Variants in OR2A14 observed in about 807,000 individuals in gnomAD.
OR2A14 encodes the protein olfactory receptor family 2 subfamily A member 14.
A neutral mutation model predicts 2.4 loss-of-function variants in OR2A14; 2 were observed. The observed-to-expected ratio is 0.85, with a 90% CI of 0.35 to 2.67. OR2A14 has a LOEUF of 2.67. OR2A14 is among the 30% of genes most tolerant of loss of function. The pLI is 0.10. For missense variants in OR2A14, 390 were observed against 379.4 expected (o/e 1.03, Z -0.23); for synonymous variants, 160 against 156.3 (o/e 1.02, Z -0.18).
chr7:144,127,609 A>G (rs2051490698), intron 1 of OR2A14, among the ~76,000 whole-genome samples: 2 of 152,242 alleles, frequency 1.3e-5, no homozygotes, highest in Non-Finnish European at 2.9e-5. Flanking sequence ...ATGTCCATAA[A>G]ATATAATTTC....
At position 144,129,130 on chromosome 7, in the gene OR2A14, AT is replaced by A. The variant is rs2051506421; in HGVS notation, c.19del (p.Trp7GlyfsTer75). 6.2e-7 allele frequency: 1 copy of A among 1,613,412 alleles called. No homozygotes were observed. The highest frequency in any genetic ancestry group is 1.3e-5 in the African/African-American group (1 of 74,930). On this transcript the variant is annotated frameshift_variant, in exon 2 of 2. Transcript: ENST00000641068. LOFTEE classifies it low-confidence loss of function (END_TRUNC). ...ACAAGAGCATGGAAGGCAACAAGAC[AT>A]GGATCACAGACATCACCTTGCCGCG... MEGNKTWITDITLPRFQ... is the reference protein window; with the variant it reads MEGNKTXITDITLPRFQ...
Position 144,129,109 on chromosome 7 carries a change from G to C in OR2A14, c.-4G>C. 6.2e-7 allele frequency: 1 copy of C among 1,610,048 alleles called. No homozygotes were observed. The highest frequency in any genetic ancestry group is 2.2e-5 in the East Asian group (1 of 44,824). ...ACCTTCCTGTCCTAGATGTCCACAAGAGCATGGAAGGCAACAAGACATGGA... is the reference window on the plus strand; with the variant it reads ...ACCTTCCTGTCCTAGATGTCCACAACAGCATGGAAGGCAACAAGACATGGA... On this transcript the variant is annotated 5_prime_UTR_variant, in exon 2 of 2. Transcript: ENST00000641068.
Position 144,130,069 on chromosome 7 carries a change from G to A in OR2A14, c.*24G>A. On this transcript the variant is annotated 3_prime_UTR_variant, in exon 2 of 2. Transcript: ENST00000641068. ...GAGACATCTCAAAGGGAACCATGGG[G>A]AGGGAGCCTTGCTCCCTGCAAAATA... The A allele has an allele frequency of 6.3e-7, 1 of 1,580,254 alleles. No homozygotes were observed.
At position 144,130,074 on chromosome 7, in the gene OR2A14, A is replaced by AGC. The variant is rs765323463; in HGVS notation, c.*30_*31dup. On this transcript the variant is annotated 3_prime_UTR_variant, in exon 2 of 2. Transcript: ENST00000641068. ...ATCTCAAAGGGAACCATGGGGAGGG[A>AGC]GCCTTGCTCCCTGCAAAATATAGAA... The AGC allele has an allele frequency of 2.6e-6, 4 of 1,544,104 alleles. No homozygotes were observed. Among genetic ancestry groups the AGC allele is most frequent in the Non-Finnish European group, 3.5e-6 (4 of 1,144,220 alleles).
intron 1 of OR2A14, among the ~76,000 whole-genome samples, chr7:144,125,961 C>A (rs1186242220): frequency 6.6e-6 from 1 of 152,050 alleles, no homozygotes; most frequent in Non-Finnish European, 1.5e-5. Context: ...ACAGTAGGAG[C>A]ACAGATGTGT....
intron 1 of OR2A14, among the ~76,000 whole-genome samples, chr7:144,124,278 C>T (rs1353027280): frequency 6.6e-6 from 1 of 152,076 alleles, no homozygotes; most frequent in African/African-American, 2.4e-5. Flanking sequence ...GCCTGACCAA[C>T]ACGGAGAAAC....
rs748816669 is a variant in OR2A14 at position 144,131,155 on chromosome 7, A to G, written c.*1110A>G. The G allele has an allele frequency of 9.2e-5, 14 of 152,352 alleles. No individual in the cohort carries two copies. The highest frequency in any genetic ancestry group is 6.5e-4 in the Admixed American group (10 of 15,300). 9.4% of individuals were successfully genotyped at this position (152,352 alleles called of 1,614,324 possible). ...ACTTTCTAAAATATGCCATGACTCA[A>G]TAGCCAGTGGACTGTAAATATTCAT... On this transcript the variant is annotated 3_prime_UTR_variant, in exon 2 of 2. Coordinates refer to ENST00000641068, the MANE Select transcript of OR2A14 (RefSeq NM_001001659.3).
At position 144,129,236 on chromosome 7, in the gene OR2A14, G is replaced by A. The variant is rs759113066; in HGVS notation, c.124G>A (p.Gly42Arg). 6.2e-7 allele frequency: 1 copy of A among 1,613,976 alleles called. No homozygotes were observed. The highest frequency in any genetic ancestry group is 1.1e-5 in the South Asian group (1 of 91,072). Residue 42 changes from glycine (G) to arginine (R), a missense_variant, in exon 2 of 2, where the codon GGG (glycine) becomes AGG (arginine). Physicochemically the swap from Gly to Arg is moderately radical, Grantham distance 125 (BLOSUM62 -2). Coordinates refer to ENST00000641068, the MANE Select transcript of OR2A14 (RefSeq NM_001001659.3). Reference protein sequence around the residue: ...AFYTLTLLGNGVIFGIICLDC... With the variant: ...AFYTLTLLGNRVIFGIICLDC... ...CTATACACTCACCCTGCTGGGGAAT[G>A]GGGTCATCTTTGGGATTATCTGCCT...
rs78692823 is a variant in OR2A14 at position 144,130,653 on chromosome 7, G to A, written c.*608G>A. ...TTTTTAATGGCTTATTTATCATTGA[G>A]GTTATTGGAAATCTATTTCTAATAT... On this transcript the variant is annotated 3_prime_UTR_variant, in exon 2 of 2. Transcript: ENST00000641068. 5,225 of 152,228 alleles carry A rather than the reference G, an allele frequency of 0.034. 140 individuals are homozygous for A. The highest frequency in any genetic ancestry group is 0.052 in the Non-Finnish European group (3,525 of 68,048). The allele number at this position is 152,228 out of a possible 1,614,324, so 9.4% of individuals were successfully genotyped here.
intron 1 of OR2A14, among the ~76,000 whole-genome samples, chr7:144,127,392 A>G (rs1162147622): frequency 4.6e-5 from 7 of 152,234 alleles, no homozygotes; most frequent in African/African-American, 7.2e-5. Context: ...GGAAGTTAAA[A>G]TAGGGATAAA....
intron 1 of OR2A14, among the ~76,000 whole-genome samples, chr7:144,128,309 G>C (rs898209575): frequency 6.6e-6 from 1 of 152,150 alleles, no homozygotes. Flanking sequence ...ATGTCACCAT[G>C]CTTAGTTATT....
chr7:144,127,353 G>A (rs929943291), intron 1 of OR2A14, among the ~76,000 whole-genome samples: 12 of 152,114 alleles, frequency 7.9e-5, no homozygotes, highest in African/African-American at 2.7e-4. Context: ...ACTGTGGGAG[G>A]GAATTGCAAT....
Position 144,129,226 on chromosome 7 carries a change from G to T in OR2A14, c.114G>T (p.Leu38=). 6.2e-7 allele frequency: 1 copy of T among 1,614,056 alleles called. No homozygotes were observed. The highest frequency in any genetic ancestry group is 8.5e-7 in the Non-Finnish European group (1 of 1,179,996). Residue 38 remains leucine (L), a synonymous_variant, in exon 2 of 2, where the codon CTG becomes CTT. Transcript: ENST00000641068. The stretch of plus-strand genomic sequence containing the variant: ...TCTCTGCCTTCTATACACTCACCCT[G>T]CTGGGGAATGGGGTCATCTTTGGGA... ...GLFSAFYTLT[L]LGNGVIFGII... is the part of the protein sequence containing the mutation.
chr7:144,125,939 C>A (rs1258685137), intron 1 of OR2A14, among the ~76,000 whole-genome samples: 1 of 152,062 alleles, frequency 6.6e-6, no homozygotes, highest in African/African-American at 2.4e-5. Flanking sequence ...ACCTAGGTCA[C>A]TGGGCCTTGG....
chr7:144,126,876 A>G (rs1367894173), intron 1 of OR2A14, among the ~76,000 whole-genome samples: 1 of 152,166 alleles, frequency 6.6e-6, no homozygotes. Context: ...CCCCACCTCC[A>G]AATGGGACTG....
At chr7:144,125,353 GT>G (rs1403069629) in intron 1 of OR2A14, among the ~76,000 whole-genome samples, 1 of 152,134 alleles carries the variant, frequency 6.6e-6, no homozygotes, top group Non-Finnish European at 1.5e-5. Flanking sequence ...ACTGAAGATT[GT>G]TCTGTAATGT....
rs1383772826 is a variant in OR2A14, at chr7:144,129,068, C to T, written c.-34-11C>T. The T allele has an allele frequency of 6.8e-7, 1 of 1,464,176 alleles. No homozygotes were observed. Among genetic ancestry groups the T allele is most frequent in the South Asian group, 1.3e-5 (1 of 79,246 alleles). The allele number at this position is 1,464,176 out of a possible 1,614,324, so 90.7% of individuals were successfully genotyped here. On this transcript the variant is annotated splice_polypyrimidine_tract_variant and intron_variant, in intron 1 of 1. Coordinates refer to ENST00000641068, the MANE Select transcript of OR2A14 (RefSeq NM_001001659.3). ...AAGTGCTCCCTCTGTGCATCTTTGA[C>T]TGGCCCACAGCTCTGACCTTCCTGT...
At position 144,129,251 on chromosome 7, in the gene OR2A14, A is replaced by T. The variant is rs199578525; in HGVS notation, c.139A>T (p.Ile47Phe). Residue 47 changes from isoleucine (I) to phenylalanine (F), a missense_variant, in exon 2 of 2, where the codon ATT becomes TTT. Transcript: ENST00000641068. ...TLLGNGVIFG[I>F]ICLDCKLHTP... ...GCTGGGGAATGGGGTCATCTTTGGG[A>T]TTATCTGCCTGGACTGTAAGCTTCA... The T allele has an allele frequency of 3.6e-4, 576 of 1,613,420 alleles. No homozygotes were observed. The highest frequency in any genetic ancestry group is 4.7e-4 in the Non-Finnish European group (559 of 1,179,702).
intron 1 of OR2A14, among the ~76,000 whole-genome samples, chr7:144,124,877 T>A (rs1006262601): frequency 6.6e-6 from 1 of 152,120 alleles, no homozygotes; most frequent in African/African-American, 2.4e-5. Context: ...TATTAGGAAA[T>A]CAAAGCAAAA....
Sources: gnomAD v4.1 joint callset for allele counts (sites outside exome capture counted in the v4.1 genomes callset) on GRCh38, gnomAD v4.1.1 for gene constraint, MANE v1.5 for transcripts, NCBI Gene and HGNC (gene_info 2026-07-23, HGNC 2026-07-21) for gene names.